ERBB4: variants seen among roughly 807,000 people sequenced by gnomAD.
ERBB4 encodes receptor tyrosine-protein kinase erbB-4.
In ERBB4, 42 loss-of-function variants were observed where a neutral mutation model predicts 158.0. The ratio of observed to expected loss-of-function variants is 0.27; its 90% confidence interval spans 0.21 to 0.34. The LOEUF (loss-of-function observed/expected upper bound fraction) is 0.34, where lower values mean the gene tolerates loss of function less well. ERBB4 is among the 10% of genes least tolerant of loss of function. The probability of loss-of-function intolerance (pLI) is 1.00; values close to 1 mark genes in which losing one functional copy is unlikely to be tolerated. For missense variants in ERBB4, 1,333 were observed against 1,624.1 expected (o/e 0.82, Z 3.08); for synonymous variants, 583 against 558.7 (o/e 1.04, Z -0.61).
intron 3 of ERBB4, among the ~76,000 whole-genome samples, chr2:211,821,987 C>T (rs2077006392): frequency 6.6e-6 from 1 of 151,680 alleles, no homozygotes; most frequent in African/African-American, 2.4e-5. Flanking sequence ...CAGGCAACAA[C>T]ATAAAAATAA....
In ERBB4 at chr2:211,657,274, C is replaced by T. The variant is rs374972661; in HGVS notation, c.1946+480G>A. On this transcript the variant is annotated intron_variant, in intron 16 of 27. Coordinates refer to ENST00000342788, the MANE Select transcript of ERBB4 (RefSeq NM_005235.3). Reference sequence around the variant, plus strand: ...TTGTAATCCCAGTACTTTGGGAGGCCGAGGCAGGCAGATTGCCTGAGGTCA... The same window carrying T: ...TTGTAATCCCAGTACTTTGGGAGGCTGAGGCAGGCAGATTGCCTGAGGTCA... 1.7e-3 allele frequency among the ~76,000 whole-genome samples: 251 copies of T among 151,992 alleles called. 1 individual carries two copies. The highest frequency in any genetic ancestry group is 5.4e-3 in the African/African-American group (225 of 41,482).
intron 4 of ERBB4, among the ~76,000 whole-genome samples, chr2:211,772,918 C>CAA (rs2075746276): frequency 2.1e-5 from 1 of 46,812 alleles, no homozygotes; most frequent in Non-Finnish European, 4.1e-5. Flanking sequence ...TACACACACA[C>CAA]ACACACATAT....
Position 211,420,450 on chromosome 2 carries a change from G to A in ERBB4, c.3126C>T (p.Asp1042=), listed in dbSNP as rs2063490553. 6.2e-7 allele frequency: 1 copy of A among 1,609,566 alleles called. No homozygotes were observed. Among genetic ancestry groups the A allele is most frequent in the Non-Finnish European group, 8.5e-7 (1 of 1,176,364 alleles). ...TATAATTATTTCTTACCCTATTCGA[G>A]TCAATTCTTGCTCTGGAAGTATAGA... ...PPIYTSRARI[D]SNRSEIGHSP... Residue 1042 remains aspartate, a synonymous_variant, in exon 25 of 28, where the codon GAC becomes GAT. Coordinates refer to ENST00000342788, the MANE Select transcript of ERBB4 (RefSeq NM_005235.3).
intron 1 of ERBB4, among the ~76,000 whole-genome samples, chr2:212,230,262 G>A (rs1264777095): frequency 4.6e-5 from 7 of 151,960 alleles, no homozygotes; most frequent in Non-Finnish European, 7.4e-5. Context: ...TCCAGCCTGG[G>A]CAACAGCAAG....
chr2:211,922,923 G>T (rs930945945), intron 3 of ERBB4, among the ~76,000 whole-genome samples: 3 of 152,040 alleles, frequency 2.0e-5, no homozygotes, highest in African/African-American at 7.2e-5. Context: ...AGTATATTCT[G>T]GGAATGAAAA....
intron 25 of ERBB4, among the ~76,000 whole-genome samples, chr2:211,419,520 T>A (rs768065630): frequency 1.3e-5 from 2 of 152,024 alleles, no homozygotes; most frequent in East Asian, 1.9e-4. Flanking sequence ...CTAGAAAAAA[T>A]TAAGCATCAT....
At chr2:212,133,402 T>G (rs373670755) in intron 1 of ERBB4, among the ~76,000 whole-genome samples, 60 of 146,774 alleles carry the variant, frequency 4.1e-4, no homozygotes, top group South Asian at 1.0e-3. Flanking sequence ...TGGTGTTTTT[T>G]TTTTGTTTTG....
chr2:211,679,266 A>G, intron 12 of ERBB4, 82 bp from the exon 13 acceptor site: 1 of 1,500,950 alleles, frequency 6.7e-7, no homozygotes, highest in Non-Finnish European at 9.2e-7. Flanking sequence ...GCTATTTCTA[A>G]AGGAGTTCAC....
intron 2 of ERBB4, among the ~76,000 whole-genome samples, chr2:212,091,633 C>CA (rs1388841394): frequency 6.6e-6 from 1 of 151,758 alleles, no homozygotes; most frequent in Non-Finnish European, 1.5e-5. Context: ...AAATATTGGA[C>CA]AAAAAATTGG....
chr2:212,115,768 C>T (rs1202161997), intron 2 of ERBB4, among the ~76,000 whole-genome samples: 1 of 152,034 alleles, frequency 6.6e-6, no homozygotes, highest in African/African-American at 2.4e-5. Context: ...CTAGGCCTTC[C>T]AAAGTGTTGT....
chr2:211,582,331 C>T (rs773184715), intron 19 of ERBB4, among the ~76,000 whole-genome samples: 13 of 152,116 alleles, frequency 8.5e-5, no homozygotes, highest in Non-Finnish European at 1.8e-4. Context: ...ATCTGTTCTA[C>T]TGTTGGTCCT....
chr2:211,980,201 G>A (rs183814086), intron 2 of ERBB4, among the ~76,000 whole-genome samples: 27 of 152,260 alleles, frequency 1.8e-4, no homozygotes, highest in Admixed American at 1.4e-3. Flanking sequence ...CTTGTATGCT[G>A]ATCAATGGAA....
chr2:211,636,004 TA>T (rs2070344988), intron 16 of ERBB4, among the ~76,000 whole-genome samples: 1 of 151,988 alleles, frequency 6.6e-6, no homozygotes, highest in Non-Finnish European at 1.5e-5. Context: ...TAGATTAAAC[TA>T]AATAATTTGA....
At chr2:212,159,542 CT>C (rs1243911405) in intron 1 of ERBB4, among the ~76,000 whole-genome samples, 5 of 151,804 alleles carry the variant, frequency 3.3e-5, no homozygotes, top group African/African-American at 1.2e-4. Flanking sequence ...AAATGCCAGC[CT>C]GGGTTGCATA....
At chr2:211,747,614 C>T (rs776043972) in intron 5 of ERBB4, among the ~76,000 whole-genome samples, 16 of 152,008 alleles carry the variant, frequency 1.1e-4, no homozygotes, top group Non-Finnish European at 2.2e-4. Flanking sequence ...CCAACAGAAG[C>T]AGATCTACTA....
chr2:211,434,813 G>A (rs989651910), intron 20 of ERBB4, among the ~76,000 whole-genome samples: 35 of 152,114 alleles, frequency 2.3e-4, no homozygotes, highest in Admixed American at 2.0e-4. Flanking sequence ...CAATAAGAAC[G>A]TAAGTATCTA....
At chr2:212,307,574 A>G (rs554244765) in intron 1 of ERBB4, among the ~76,000 whole-genome samples, 1 of 151,160 alleles carries the variant, frequency 6.6e-6, no homozygotes, top group Admixed American at 6.6e-5. Flanking sequence ...TGTAATACAG[A>G]CAAGGTTTTC....
At chr2:211,402,290 A>C (rs571595216) in intron 25 of ERBB4, among the ~76,000 whole-genome samples, 99 of 152,128 alleles carry the variant, frequency 6.5e-4, no homozygotes, top group African/African-American at 2.3e-3. Flanking sequence ...TTACTTATCC[A>C]AGTAGTAAAA....
chr2:211,640,452 A>G (rs2125892633), intron 16 of ERBB4, among the ~76,000 whole-genome samples: 1 of 152,320 alleles, frequency 6.6e-6, no homozygotes, highest in South Asian at 2.1e-4. Flanking sequence ...TGCAGGATTA[A>G]TGAACAAAGC....
Sources: gnomAD v4.1 joint callset for allele counts (sites outside exome capture counted in the v4.1 genomes callset) on GRCh38, gnomAD v4.1.1 for gene constraint, MANE v1.5 for transcripts, NCBI Gene and HGNC (gene_info 2026-07-23, HGNC 2026-07-21) for gene names.